The following PBX1 variants were observed in gnomAD, a reference collection of about 807,000 sequenced individuals.
PBX1 encodes the protein PBX homeobox 1, also known as pre-B-cell leukemia transcription factor 1.
A neutral mutation model predicts 53.4 loss-of-function variants in PBX1; 6 were observed. That is an observed-to-expected ratio of 0.11 (90% confidence interval 0.06 to 0.22). The LOEUF (loss-of-function observed/expected upper bound fraction) is 0.22, where lower values mean the gene tolerates loss of function less well. Ranked by LOEUF, PBX1 falls within the 10% of genes least tolerant of loss-of-function variation. The probability of loss-of-function intolerance (pLI) is 1.00; values close to 1 mark genes in which losing one functional copy is unlikely to be tolerated. For synonymous variants in PBX1, 204 were observed against 212.3 expected (o/e 0.96, Z 0.34); for missense variants, 251 against 551.4 (o/e 0.46, Z 5.46).
At chr1:164,791,162 T>G (rs1571414013) in intron 2 of PBX1, among the ~76,000 whole-genome samples, 3 of 152,246 alleles carry the variant, frequency 2.0e-5, no homozygotes, top group Non-Finnish European at 4.4e-5. Flanking sequence ...TAACAAAGAC[T>G]TGGCTGCTGA....
chr1:164,715,570 A>T (rs990033099), intron 2 of PBX1, among the ~76,000 whole-genome samples: 1 of 152,138 alleles, frequency 6.6e-6, no homozygotes, highest in Non-Finnish European at 1.5e-5. Flanking sequence ...TTATCTATCT[A>T]ACTCCTGTTG....
intron 1 of PBX1, chr1:164,562,746 A>G (rs1171651430): frequency 6.6e-6 from 1 of 152,284 alleles, no homozygotes; most frequent in African/African-American, 2.4e-5. Flanking sequence ...AGACCTTTCA[A>G]GCATCTTGTG....
At chr1:164,606,054 A>C (rs537372024) in intron 2 of PBX1, among the ~76,000 whole-genome samples, 2 of 152,360 alleles carry the variant, frequency 1.3e-5, no homozygotes, top group South Asian at 4.1e-4. Context: ...GATGATAGTG[A>C]ATAGGCAAAA....
intron 4 of PBX1, among the ~76,000 whole-genome samples, chr1:164,801,338 C>T (rs919038379): frequency 3.9e-5 from 6 of 151,994 alleles, no homozygotes; most frequent in African/African-American, 1.2e-4. Flanking sequence ...GACTGGTGGC[C>T]TCTGTTTGGG....
chr1:164,827,979 G>A (rs905470014), intron 8 of PBX1, among the ~76,000 whole-genome samples: 1 of 152,140 alleles, frequency 6.6e-6, no homozygotes, highest in Admixed American at 6.5e-5. Context: ...TGAATTTCCT[G>A]TTCCTAGAAG....
chr1:164,749,340 C>T (rs1666072386), intron 2 of PBX1, among the ~76,000 whole-genome samples: 1 of 152,132 alleles, frequency 6.6e-6, no homozygotes, highest in South Asian at 2.1e-4. Flanking sequence ...TTATTTTTAA[C>T]AACTGCTTAA....
At chr1:164,595,526 AGAG>A (rs1284976950) in intron 2 of PBX1, among the ~76,000 whole-genome samples, 1 of 151,674 alleles carries the variant, frequency 6.6e-6, no homozygotes, top group Non-Finnish European at 1.5e-5. Context: ...TTAAAGGAGA[AGAG>A]GAGCCATTTA....
chr1:164,594,943 C>T (rs1655656547), intron 2 of PBX1, among the ~76,000 whole-genome samples: 1 of 152,198 alleles, frequency 6.6e-6, no homozygotes, highest in African/African-American at 2.4e-5. Context: ...AAATGAAACA[C>T]GTCTCCCTCC....
At chr1:164,595,444 C>T (rs1385127812) in intron 2 of PBX1, among the ~76,000 whole-genome samples, 1 of 151,118 alleles carries the variant, frequency 6.6e-6, no homozygotes, top group African/African-American at 2.4e-5. Flanking sequence ...CAAGCTAAGA[C>T]TGAGTAGTTG....
intron 2 of PBX1, among the ~76,000 whole-genome samples, chr1:164,735,449 A>G (rs1665215621): frequency 6.6e-6 from 1 of 152,230 alleles, no homozygotes; most frequent in South Asian, 2.1e-4. Flanking sequence ...TAGTGGGAAC[A>G]AAGCTGAAAA....
At chr1:164,756,866 A>G (rs1257874817) in intron 2 of PBX1, among the ~76,000 whole-genome samples, 3 of 152,256 alleles carry the variant, frequency 2.0e-5, no homozygotes, top group Non-Finnish European at 2.9e-5. Flanking sequence ...TCAAATATAC[A>G]ATTCAAACAG....
chr1:164,811,183 G>A (rs1669592414), intron 5 of PBX1, among the ~76,000 whole-genome samples: 1 of 152,060 alleles, frequency 6.6e-6, no homozygotes, highest in African/African-American at 2.4e-5. Context: ...GAATTATGGG[G>A]GTAAAACTTG....
intron 2 of PBX1, among the ~76,000 whole-genome samples, chr1:164,732,446 A>G (rs567529166): frequency 6.6e-6 from 1 of 152,110 alleles, no homozygotes; most frequent in African/African-American, 2.4e-5. Flanking sequence ...AATTCTTGAA[A>G]TCAATCTCCT....
At chr1:164,571,801 G>A (rs1653872990) in intron 2 of PBX1, among the ~76,000 whole-genome samples, 1 of 146,488 alleles carries the variant, frequency 6.8e-6, no homozygotes, top group South Asian at 2.2e-4. Flanking sequence ...GTTTTACAGA[G>A]TGGCTGCAGT....
intron 2 of PBX1, among the ~76,000 whole-genome samples, chr1:164,665,737 C>T (rs551578342): frequency 6.6e-5 from 10 of 152,320 alleles, no homozygotes; most frequent in Admixed American, 3.9e-4. Context: ...CCAGGACACT[C>T]AGGACCTAAC....
chr1:164,741,608 A>G (rs532716163), intron 2 of PBX1, among the ~76,000 whole-genome samples: 1 of 152,240 alleles, frequency 6.6e-6, no homozygotes, highest in Non-Finnish European at 1.5e-5. Context: ...TTTCTTTTTC[A>G]GTACACTGCT....
chr1:164,872,206 T>G (rs1672399542), intron 2 of PBX1, among the ~76,000 whole-genome samples: 1 of 152,218 alleles, frequency 6.6e-6, no homozygotes. Flanking sequence ...ACAAAATTCT[T>G]CACAGGCAAT....
At chr1:164,583,484 A>G (rs1262477473) in intron 2 of PBX1, among the ~76,000 whole-genome samples, 2 of 151,944 alleles carry the variant, frequency 1.3e-5, no homozygotes, top group Admixed American at 6.6e-5. Context: ...TCCTGACTTG[A>G]CCTGGCAGCC....
At chr1:164,730,376 C>G (rs1664911264) in intron 2 of PBX1, among the ~76,000 whole-genome samples, 1 of 152,182 alleles carries the variant, frequency 6.6e-6, no homozygotes, top group South Asian at 2.1e-4. Flanking sequence ...CTGTCCAGCA[C>G]ACACCTCAGT....
Sources: allele counts gnomAD v4.1 joint callset (sites outside exome capture counted in the v4.1 genomes callset), GRCh38; gene constraint gnomAD v4.1.1; transcripts MANE v1.5; gene names NCBI Gene and HGNC (gene_info 2026-07-23, HGNC 2026-07-21).